PCED1B: variants seen among roughly 807,000 people sequenced by gnomAD.
PCED1B encodes PC-esterase domain-containing protein 1B.
For synonymous variants in PCED1B, 251 were observed against 246.1 expected (o/e 1.02, Z -0.19); for missense variants, 573 against 573.9 (o/e 1.00, Z 0.02).
At chr12:47,101,821 C>T (rs1938719422) in intron 1 of PCED1B, among the ~76,000 whole-genome samples, 1 of 152,016 alleles carries the variant, frequency 6.6e-6, no homozygotes, top group African/African-American at 2.4e-5. Flanking sequence ...TGGTGCATGC[C>T]TGTAATCCCA....
intron 1 of PCED1B, among the ~76,000 whole-genome samples, chr12:47,098,283 G>T (rs1938562624): frequency 1.3e-5 from 2 of 152,180 alleles, no homozygotes; most frequent in Admixed American, 6.5e-5. Flanking sequence ...AGTGACTATG[G>T]ACTGCAGCTG....
chr12:47,084,563 A>G (rs1565737286), intron 1 of PCED1B, among the ~76,000 whole-genome samples: 1 of 152,136 alleles, frequency 6.6e-6, no homozygotes, highest in Admixed American at 6.5e-5. Flanking sequence ...GAATCATTCA[A>G]TATGTGTTTT....
At chr12:47,156,732 CTG>C (rs1326646602) in intron 2 of PCED1B, among the ~76,000 whole-genome samples, 3 of 152,030 alleles carry the variant, frequency 2.0e-5, no homozygotes, top group African/African-American at 7.3e-5. Context: ...CGATAACACT[CTG>C]TATTTACCTC....
At chr12:47,089,479 T>C (rs1172273007) in intron 1 of PCED1B, among the ~76,000 whole-genome samples, 11 of 91,908 alleles carry the variant, frequency 1.2e-4, no homozygotes, top group African/African-American at 3.6e-4. Flanking sequence ...TATATATATA[T>C]ATATATATAT....
chr12:47,116,407 T>C (rs759830086), intron 2 of PCED1B, among the ~76,000 whole-genome samples: 5 of 152,190 alleles, frequency 3.3e-5, no homozygotes, highest in Non-Finnish European at 7.4e-5. Flanking sequence ...ATTTTTATTA[T>C]GGAAAGAGTG....
chr12:47,084,955 C>G (rs144836902), intron 1 of PCED1B, among the ~76,000 whole-genome samples: 17 of 152,222 alleles, frequency 1.1e-4, no homozygotes, highest in African/African-American at 3.6e-4. Context: ...TGGCCAACAT[C>G]TCTTCTGGCA....
chr12:47,133,803 T>G (rs909719136), intron 2 of PCED1B, among the ~76,000 whole-genome samples: 19 of 152,198 alleles, frequency 1.2e-4, no homozygotes, highest in African/African-American at 4.6e-4. Flanking sequence ...ATTGAAATCC[T>G]AACCCCTGAT....
chr12:47,123,758 T>C (rs1565761723), intron 2 of PCED1B, among the ~76,000 whole-genome samples: 1 of 152,058 alleles, frequency 6.6e-6, no homozygotes, highest in South Asian at 2.1e-4. Flanking sequence ...TTTGTATCTA[T>C]TATACTTTCA....
At chr12:47,183,734 C>G (rs920798680) in intron 2 of PCED1B, among the ~76,000 whole-genome samples, 1 of 152,228 alleles carries the variant, frequency 6.6e-6, no homozygotes, top group Non-Finnish European at 1.5e-5. Flanking sequence ...TTTGCTCAGC[C>G]ATCTTAGAAT....
chr12:47,223,594 G>A (rs1360675927), intron 3 of PCED1B: 1 of 152,254 alleles, frequency 6.6e-6, no homozygotes, highest in East Asian at 1.9e-4. Flanking sequence ...AGAAAATGCA[G>A]AATGCAAATT....
chr12:47,113,965 A>C (rs79353229), intron 2 of PCED1B, among the ~76,000 whole-genome samples: 2,089 of 148,914 alleles, frequency 0.014, 41 homozygotes, highest in African/African-American at 0.047. Context: ...AGAAAAAAAA[A>C]ACACACACAC....
At chr12:47,116,127 C>A (rs1939409314) in intron 2 of PCED1B, among the ~76,000 whole-genome samples, 1 of 152,134 alleles carries the variant, frequency 6.6e-6, no homozygotes, top group Admixed American at 6.5e-5. Context: ...CAACATGTTT[C>A]TATTTTAAAA....
chr12:47,123,498 T>C (rs1939763727), intron 2 of PCED1B, among the ~76,000 whole-genome samples: 1 of 152,132 alleles, frequency 6.6e-6, no homozygotes, highest in East Asian at 1.9e-4. Context: ...TGATATATGG[T>C]TAAGATATAC....
chr12:47,136,860 A>AT (rs1445506684), intron 2 of PCED1B, among the ~76,000 whole-genome samples: 2 of 152,198 alleles, frequency 1.3e-5, no homozygotes, highest in Non-Finnish European at 2.9e-5. Context: ...GCATGATATA[A>AT]AAAGGCCATT....
chr12:47,092,574 A>G (rs1938312474), intron 1 of PCED1B, among the ~76,000 whole-genome samples: 1 of 152,058 alleles, frequency 6.6e-6, no homozygotes, highest in South Asian at 2.1e-4. Flanking sequence ...AAATGATGAC[A>G]GTGGTCATTC....
At chr12:47,139,628 T>C (rs988879504) in intron 2 of PCED1B, among the ~76,000 whole-genome samples, 29 of 152,094 alleles carry the variant, frequency 1.9e-4, no homozygotes, top group Non-Finnish European at 4.3e-4. Flanking sequence ...GTATGTGTGC[T>C]GGGTATGAAA....
At chr12:47,093,661 A>C (rs1308817164) in intron 1 of PCED1B, among the ~76,000 whole-genome samples, 1 of 151,480 alleles carries the variant, frequency 6.6e-6, no homozygotes, top group Non-Finnish European at 1.5e-5. Context: ...AAGTTTAAGA[A>C]CTAATTTCTG....
chr12:47,172,339 G>A (rs1592235685), intron 2 of PCED1B, among the ~76,000 whole-genome samples: 1 of 72,648 alleles, frequency 1.4e-5, no homozygotes, highest in African/African-American at 4.2e-5. Context: ...GTCGTGGGTT[G>A]CTTTTTTTTT....
intron 2 of PCED1B, among the ~76,000 whole-genome samples, chr12:47,182,305 A>G (rs1271241440): frequency 6.6e-6 from 1 of 152,166 alleles, no homozygotes; most frequent in Non-Finnish European, 1.5e-5. Flanking sequence ...AGTGATAAGA[A>G]TACTACTGCC....
Sources: allele counts gnomAD v4.1 joint callset (sites outside exome capture counted in the v4.1 genomes callset), GRCh38; gene constraint gnomAD v4.1.1; transcripts MANE v1.5; gene names NCBI Gene and HGNC (gene_info 2026-07-23, HGNC 2026-07-21).